The following ITPR1 variants were observed in gnomAD, a reference collection of about 807,000 sequenced individuals.
ITPR1 encodes the protein inositol 1,4,5-trisphosphate receptor type 1.
Under a neutral mutation model 318.4 loss-of-function variants are expected in ITPR1, and 96 were observed. That is an observed-to-expected ratio of 0.30 (90% CI 0.26 to 0.36). The LOEUF (loss-of-function observed/expected upper bound fraction) is 0.36, where lower values mean the gene tolerates loss of function less well. ITPR1 is among the 10% of genes least tolerant of loss of function. The pLI is 1.00. For missense variants in ITPR1, 2,440 were observed against 3,460.2 expected, an observed-to-expected ratio of 0.71 and a Z score of 7.40; for synonymous variants, 1,312 against 1,289.9, an observed-to-expected ratio of 1.02 and a Z score of -0.37.
chr3:4,809,214 C>T (rs80328490), intron 55 of ITPR1, among the ~76,000 whole-genome samples: 50 of 152,158 alleles, frequency 3.3e-4, no homozygotes, highest in African/African-American at 1.1e-3. Context: ...AAATGTTTCT[C>T]TTATACCATT....
intron 10 of ITPR1, among the ~76,000 whole-genome samples, chr3:4,650,604 T>TGTG (rs1411415069): frequency 1.3e-5 from 1 of 78,478 alleles, no homozygotes; most frequent in East Asian, 3.8e-4. Flanking sequence ...ATGATATGCC[T>TGTG]TAGTGTGTGT....
intron 57 of ITPR1, 180 bp from the exon 58 acceptor site, chr3:4,814,243 A>G: frequency 1.5e-6 from 1 of 663,936 alleles, no homozygotes; most frequent in Non-Finnish European, 2.6e-6. Flanking sequence ...TAGCGATGAA[A>G]ACAGTTGCCC....
intron 4 of ITPR1, among the ~76,000 whole-genome samples, chr3:4,618,465 T>C (rs1180867785): frequency 6.6e-6 from 1 of 152,234 alleles, no homozygotes; most frequent in African/African-American, 2.4e-5. Flanking sequence ...TAGAGTTATG[T>C]CCCAGTTTTC....
intron 30 of ITPR1, among the ~76,000 whole-genome samples, chr3:4,687,471 A>T (rs1267470154): frequency 6.6e-6 from 1 of 151,984 alleles, no homozygotes; most frequent in Non-Finnish European, 1.5e-5. Flanking sequence ...GAAGTTGGAG[A>T]TCTGGGATAA....
intron 39 of ITPR1, among the ~76,000 whole-genome samples, chr3:4,714,548 C>T (rs978890575): frequency 1.3e-5 from 2 of 152,170 alleles, no homozygotes; most frequent in Non-Finnish European, 2.9e-5. Context: ...CCCGAGGTCA[C>T]GTGTGAAGTC....
intron 61 of ITPR1, among the ~76,000 whole-genome samples, chr3:4,841,925 TGATTTTATAGGGCTGTA>T (rs1237272664): frequency 1.3e-5 from 2 of 152,234 alleles, no homozygotes; most frequent in African/African-American, 4.8e-5. Flanking sequence ...TGAACATGAC[TGATTTTATAGGGCTGTA>T]GAAAATAACT....
intron 44 of ITPR1, among the ~76,000 whole-genome samples, chr3:4,741,117 C>A (rs2043672102): frequency 6.6e-6 from 1 of 152,146 alleles, no homozygotes. Context: ...GGGGAAGTTC[C>A]CTTCGCTTCC....
intron 12 of ITPR1, among the ~76,000 whole-genome samples, chr3:4,656,424 G>A (rs751024319): frequency 6.6e-6 from 1 of 152,202 alleles, no homozygotes; most frequent in South Asian, 2.1e-4. Flanking sequence ...CTCCTAAACT[G>A]CAGTTGTAGA....
intron 4 of ITPR1, among the ~76,000 whole-genome samples, chr3:4,540,164 G>A (rs183655177): frequency 6.6e-6 from 1 of 151,962 alleles, no homozygotes; most frequent in East Asian, 1.9e-4. Flanking sequence ...TGTATAATGA[G>A]GTTATATTAG....
chr3:4,786,609 T>C (rs1407510757), intron 51 of ITPR1, among the ~76,000 whole-genome samples: 2 of 152,244 alleles, frequency 1.3e-5, no homozygotes, highest in African/African-American at 4.8e-5. Flanking sequence ...TCTACTATAC[T>C]GTAACCCATA....
intron 20 of ITPR1, among the ~76,000 whole-genome samples, chr3:4,672,654 G>A (rs544646546): frequency 4.4e-4 from 67 of 152,274 alleles, no homozygotes; most frequent in African/African-American, 1.5e-3. Context: ...TTTTTTACAC[G>A]TGTAGGAATT....
At chr3:4,642,395 G>A (rs1012209817) in intron 7 of ITPR1, 144 bp downstream of exon 7, 1 of 531,324 alleles carries the variant, frequency 1.9e-6, no homozygotes, top group Non-Finnish European at 3.0e-6. Context: ...GGAAACTAGT[G>A]TTTGGGAAAC....
intron 52 of ITPR1, among the ~76,000 whole-genome samples, chr3:4,791,847 C>T (rs888868347): frequency 6.6e-6 from 1 of 152,226 alleles, no homozygotes; most frequent in Non-Finnish European, 1.5e-5. Context: ...TGAATAGACA[C>T]AGCCTGAGAG....
At chr3:4,624,670 CAAAAAAA>C (rs1161664837) in intron 4 of ITPR1, among the ~76,000 whole-genome samples, 4 of 72,490 alleles carry the variant, frequency 5.5e-5, no homozygotes, top group Admixed American at 3.1e-4. Context: ...GCTCTGTCTC[CAAAAAAA>C]AAAAAAAAAA....
chr3:4,593,547 A>G (rs1263005468), intron 4 of ITPR1, among the ~76,000 whole-genome samples: 3 of 152,208 alleles, frequency 2.0e-5, no homozygotes, highest in Non-Finnish European at 4.4e-5. Context: ...TATTTTTTAG[A>G]AGCCTCAAAT....
chr3:4,695,600 A>T (rs893070124), intron 33 of ITPR1, among the ~76,000 whole-genome samples: 3 of 152,040 alleles, frequency 2.0e-5, no homozygotes, highest in African/African-American at 4.8e-5. Flanking sequence ...GCTGATTTTT[A>T]TGTAATCCTG....
intron 3 of ITPR1, among the ~76,000 whole-genome samples, chr3:4,518,450 T>C (rs1247328405): frequency 6.6e-6 from 1 of 152,238 alleles, no homozygotes; most frequent in Admixed American, 6.5e-5. Flanking sequence ...AATACTTTCT[T>C]GAGATGAATA....
chr3:4,634,948 G>A (rs2093136046), intron 5 of ITPR1, among the ~76,000 whole-genome samples: 1 of 152,214 alleles, frequency 6.6e-6, no homozygotes, highest in Non-Finnish European at 1.5e-5. Flanking sequence ...TGGCCATGTT[G>A]GCCAGGCTGG....
chr3:4,694,624 C>T (rs1052944591), intron 33 of ITPR1, among the ~76,000 whole-genome samples: 1 of 152,150 alleles, frequency 6.6e-6, no homozygotes, highest in Non-Finnish European at 1.5e-5. Context: ...CTCTTGCTTC[C>T]AGGCTACAAA....
Sources: gnomAD v4.1 joint callset for allele counts (sites outside exome capture counted in the v4.1 genomes callset) on GRCh38, gnomAD v4.1.1 for gene constraint, MANE v1.5 for transcripts, NCBI Gene and HGNC (gene_info 2026-07-23, HGNC 2026-07-21) for gene names.